Variants in MTUS2 observed in about 807,000 individuals in gnomAD.
The protein encoded by MTUS2 is microtubule-associated tumor suppressor candidate 2.
A neutral mutation model predicts 114.1 loss-of-function variants in MTUS2; 40 were observed. The observed-to-expected ratio is 0.35, with a 90% CI of 0.27 to 0.46. The LOEUF (loss-of-function observed/expected upper bound fraction) is 0.46, where lower values mean the gene tolerates loss of function less well. Ranked by LOEUF, MTUS2 falls within the 20% of genes least tolerant of loss-of-function variation. The pLI is 1.00. For missense variants in MTUS2, 1,679 were observed against 1,705.4 expected (o/e 0.98, Z 0.27); for synonymous variants, 688 against 672.0 (o/e 1.02, Z -0.37).
intron 6 of MTUS2, among the ~76,000 whole-genome samples, chr13:29,308,963 T>C (rs1360122826): frequency 9.7e-5 from 3 of 31,028 alleles, no homozygotes; most frequent in African/African-American, 1.3e-4. Flanking sequence ...AAACATTGTC[T>C]GGGAGGGTTG....
chr13:29,485,917 A>C (rs1593503162), intron 10 of MTUS2, among the ~76,000 whole-genome samples: 1 of 82,902 alleles, frequency 1.2e-5, no homozygotes. Flanking sequence ...CCCTCCAAAC[A>C]GTGTGTGGGG....
At chr13:29,039,142 G>A (rs1185577157) in intron 4 of MTUS2, among the ~76,000 whole-genome samples, 1 of 152,212 alleles carries the variant, frequency 6.6e-6, no homozygotes, top group East Asian at 1.9e-4. Flanking sequence ...CTTTGTAGCG[G>A]TCCTTGACCT....
At chr13:29,132,239 C>T (rs1041725884) in intron 5 of MTUS2, among the ~76,000 whole-genome samples, 6 of 152,180 alleles carry the variant, frequency 3.9e-5, no homozygotes, top group South Asian at 2.1e-4. Context: ...GAGATACAGC[C>T]TGATCCTGGG....
chr13:28,977,729 A>C (rs1004913176), intron 2 of MTUS2, among the ~76,000 whole-genome samples: 3 of 152,222 alleles, frequency 2.0e-5, no homozygotes, highest in African/African-American at 7.2e-5. Flanking sequence ...ACAGAAAAAA[A>C]AATATTATTA....
chr13:28,820,197 G>A (rs1221647898), upstream of MTUS2, among the ~76,000 whole-genome samples: 1 of 146,548 alleles, frequency 6.8e-6, no homozygotes, highest in Non-Finnish European at 1.5e-5. Flanking sequence ...GGAGCCGGGA[G>A]CGCCTGGGCG....
chr13:28,932,091 A>G (rs982445969), intron 2 of MTUS2, among the ~76,000 whole-genome samples: 3 of 152,210 alleles, frequency 2.0e-5, no homozygotes, highest in Admixed American at 1.3e-4. Flanking sequence ...AAGTCAAGGA[A>G]TCATAAGTCA....
chr13:29,313,776 G>T (rs1164241142), intron 6 of MTUS2, among the ~76,000 whole-genome samples: 4 of 152,082 alleles, frequency 2.6e-5, no homozygotes, highest in Non-Finnish European at 4.4e-5. Flanking sequence ...ATTTTACAAC[G>T]CTGGGGAAAA....
chr13:29,381,217 A>G (rs141738691), intron 8 of MTUS2, among the ~76,000 whole-genome samples: 138 of 152,334 alleles, frequency 9.1e-4, no homozygotes, highest in African/African-American at 3.2e-3. Flanking sequence ...GCTCTGTGCC[A>G]GGAAAAAACT....
At chr13:29,491,338 T>G (rs73154419) in intron 11 of MTUS2, among the ~76,000 whole-genome samples, 2,840 of 150,746 alleles carry the variant, frequency 0.019, 34 homozygotes, top group Non-Finnish European at 0.029. Flanking sequence ...TTAGTGTGTG[T>G]GGGTGTGTTA....
At chr13:28,930,779 G>T (rs546935102) in intron 2 of MTUS2, among the ~76,000 whole-genome samples, 3 of 152,212 alleles carry the variant, frequency 2.0e-5, no homozygotes, top group African/African-American at 7.2e-5. Flanking sequence ...ACTTAATGGT[G>T]GTTAGTGTTA....
chr13:29,408,130 C>T (rs7324217), intron 8 of MTUS2, among the ~76,000 whole-genome samples: 148,584 of 152,196 alleles, frequency 0.98, 72,643 homozygotes, highest in East Asian at 1. Flanking sequence ...TTGTGACTTA[C>T]CACTTCATTT....
At chr13:29,336,743 A>G (rs975376095) in intron 7 of MTUS2, among the ~76,000 whole-genome samples, 1 of 152,124 alleles carries the variant, frequency 6.6e-6, no homozygotes, top group Non-Finnish European at 1.5e-5. Flanking sequence ...CTGCACCCAC[A>G]CCTGCCCCTT....
intron 7 of MTUS2, among the ~76,000 whole-genome samples, chr13:29,345,830 T>G (rs551625335): frequency 2.6e-5 from 4 of 152,300 alleles, no homozygotes; most frequent in African/African-American, 9.6e-5. Context: ...TTCAGATTCT[T>G]CTGTCCCACA....
chr13:28,883,108 T>A (rs1265730351), intron 2 of MTUS2, among the ~76,000 whole-genome samples: 7 of 152,192 alleles, frequency 4.6e-5, no homozygotes, highest in African/African-American at 1.7e-4. Context: ...GAAATATCAC[T>A]GCACACCTAT....
chr13:29,364,526 A>G (rs1055009482), intron 8 of MTUS2, among the ~76,000 whole-genome samples: 1 of 152,218 alleles, frequency 6.6e-6, no homozygotes, highest in Non-Finnish European at 1.5e-5. Flanking sequence ...GTGCTCCATA[A>G]CACCTGGTTG....
At chr13:29,292,952 G>A (rs897408980) in intron 6 of MTUS2, among the ~76,000 whole-genome samples, 20 of 152,046 alleles carry the variant, frequency 1.3e-4, no homozygotes, top group African/African-American at 4.8e-4. Flanking sequence ...CTTTAATTCT[G>A]TAAATTTTAA....
chr13:28,970,973 G>A (rs1883827517), intron 2 of MTUS2, among the ~76,000 whole-genome samples: 1 of 152,200 alleles, frequency 6.6e-6, no homozygotes, highest in Non-Finnish European at 1.5e-5. Flanking sequence ...TGATTTGCAA[G>A]AGCAGCTAAT....
chr13:28,994,312 T>C (rs1361796887), intron 2 of MTUS2, among the ~76,000 whole-genome samples: 1 of 152,226 alleles, frequency 6.6e-6, no homozygotes, highest in Non-Finnish European at 1.5e-5. Flanking sequence ...TGTTGGACAT[T>C]TGGGTTGGTT....
Position 29,496,709 on chromosome 13 carries a change from C to T in MTUS2, c.3580-529C>T, listed in dbSNP as rs1882575306. Among the ~76,000 whole-genome samples the T allele has an allele frequency of 6.6e-6, 1 of 152,012 alleles. No homozygotes were observed. The highest frequency in any genetic ancestry group is 6.6e-5 in the Admixed American group (1 of 15,264). On this transcript the variant is annotated intron_variant, in intron 12 of 15. Coordinates refer to ENST00000612955, the MANE Select transcript of MTUS2 (RefSeq NM_001033602.4). This position sits in a 1 kb window ranked among gnomAD's most constrained non-coding sequence, Gnocchi z 4.3. ...CTGAGCTCAGGGGACTCTGTGGGTT[C>T]TAGGGACATTCAGGAGGCAGGATGG...
Sources: allele counts gnomAD v4.1 joint callset (sites outside exome capture counted in the v4.1 genomes callset), GRCh38; gene constraint gnomAD v4.1.1; non-coding constraint Gnocchi (gnomAD v3.1); transcripts MANE v1.5; gene names NCBI Gene and HGNC (gene_info 2026-07-23, HGNC 2026-07-21).